Variants in TRIP12 observed in about 807,000 individuals in gnomAD.
The protein encoded by TRIP12 is E3 ubiquitin-protein ligase TRIP12.
TRIP12 carries 25 observed loss-of-function variants against 244.2 expected under a neutral mutation model. The observed-to-expected ratio is 0.10, with a 90% confidence interval of 0.07 to 0.14. TRIP12 has a LOEUF of 0.14. Among genes scored for constraint, TRIP12 ranks in the 10% least tolerant of loss-of-function variants. The pLI is 1.00. For synonymous variants in TRIP12, 905 were observed against 873.1 expected, an observed-to-expected ratio of 1.04 and a Z score of -0.64; for missense variants, 1,677 against 2,486.4, an observed-to-expected ratio of 0.67 and a Z score of 6.92.
intron 2 of TRIP12, among the ~76,000 whole-genome samples, chr2:229,878,817 C>T (rs1023030252): frequency 2.0e-5 from 3 of 151,796 alleles, no homozygotes; most frequent in Non-Finnish European, 4.4e-5. Context: ...CTCCTGACCT[C>T]GTGATCCGCC....
intron 3 of TRIP12, 38 bp downstream of exon 3, chr2:229,860,368 T>C: frequency 1.3e-6 from 2 of 1,579,194 alleles, no homozygotes; most frequent in Non-Finnish European, 1.7e-6. Flanking sequence ...ATGCAAATAA[T>C]TCTGCCTTGA....
intron 19 of TRIP12, 144 bp from the exon 20 acceptor site, chr2:229,803,833 T>A: frequency 1.2e-6 from 1 of 860,814 alleles, no homozygotes; most frequent in Non-Finnish European, 1.8e-6. Context: ...GCTCAAGTTT[T>A]ATATTTTATA....
chr2:229,814,725 A>T (rs559230511), intron 11 of TRIP12, among the ~76,000 whole-genome samples: 1 of 152,192 alleles, frequency 6.6e-6, no homozygotes, highest in Non-Finnish European at 1.5e-5. Context: ...CAGACCAAAA[A>T]CACAATTTAC....
intron 26 of TRIP12, 43 bp downstream of exon 26, chr2:229,795,120 TCAGTGAAATTAAGTAC>T: frequency 6.4e-7 from 1 of 1,566,436 alleles, no homozygotes; most frequent in South Asian, 1.2e-5. Flanking sequence ...CCATCTTACT[TCAGTGAAATTAAGTAC>T]CAAATTCCAG....
rs2154259373 is a variant in TRIP12, at chr2:229,791,364, C to A, written c.4416-113G>T. The A allele has an allele frequency of 5.0e-6, 6 of 1,188,374 alleles. No individual in the cohort carries two copies. The East Asian group carries it at 1.2e-4, about 24-fold the overall frequency. The allele number at this position is 1,188,374 out of a possible 1,614,324, so 73.6% of individuals were successfully genotyped here. A position where few individuals can be genotyped will look rare whatever the true frequency, so the allele number is the denominator to read the frequency against. ...AGAAGACTGTTCTGAGATCTATTCT[C>A]CTCTCTCTCCCTAGTGTGAATCTGG... On this transcript the variant is annotated intron_variant, in intron 29 of 41. Transcript: ENST00000675903.
intron 2 of TRIP12, among the ~76,000 whole-genome samples, chr2:229,862,102 G>C (rs2060570269): frequency 6.6e-6 from 1 of 152,090 alleles, no homozygotes. Flanking sequence ...TATCGCCCAG[G>C]CTGGAGTGCA....
At chr2:229,896,983 T>C (rs1041544995) in intron 1 of TRIP12, among the ~76,000 whole-genome samples, 1 of 152,188 alleles carries the variant, frequency 6.6e-6, no homozygotes, top group African/African-American at 2.4e-5. Context: ...GGTAATAACA[T>C]ATCAATGTAG....
At chr2:229,922,351 A>C, upstream of TRIP12, 1 of 652,026 alleles carries the variant, frequency 1.5e-6, no homozygotes, top group Non-Finnish European at 2.6e-6. Flanking sequence ...TTCACGGATC[A>C]GGGTTCCCTA....
intron 2 of TRIP12, among the ~76,000 whole-genome samples, chr2:229,863,511 C>G: frequency 6.6e-6 from 1 of 152,074 alleles, no homozygotes; most frequent in Non-Finnish European, 1.5e-5. Flanking sequence ...GGTGGCTATA[C>G]TTCAATCAAA....
At chr2:229,846,387 TTA>T (rs2057586438) in intron 4 of TRIP12, among the ~76,000 whole-genome samples, 1 of 152,140 alleles carries the variant, frequency 6.6e-6, no homozygotes, top group Non-Finnish European at 1.5e-5. Flanking sequence ...AGCAAAAAGA[TTA>T]TGACTTGCTA....
intron 7 of TRIP12, among the ~76,000 whole-genome samples, chr2:229,829,950 A>G (rs1407529840): frequency 5.3e-5 from 8 of 152,222 alleles, no homozygotes; most frequent in Non-Finnish European, 1.2e-4. Flanking sequence ...TTCGGTCTCA[A>G]AACAATCAAA....
chr2:229,845,532 G>C (rs34834962), intron 4 of TRIP12, among the ~76,000 whole-genome samples: 38,786 of 151,762 alleles, frequency 0.26, 6,060 homozygotes, highest in Middle Eastern at 0.42. Context: ...AGACTTTGAG[G>C]GGGAAAAAAA....
intron 1 of TRIP12, among the ~76,000 whole-genome samples, chr2:229,906,210 CAGG>C (rs780055264): frequency 1.1e-4 from 17 of 150,140 alleles, no homozygotes; most frequent in East Asian, 2.0e-4. Flanking sequence ...GAGGCTGAGG[CAGG>C]AGAACTGCTT....
chr2:229,843,406 T>C, intron 4 of TRIP12, among the ~76,000 whole-genome samples: 1 of 152,188 alleles, frequency 6.6e-6, no homozygotes, highest in Middle Eastern at 3.2e-3. Flanking sequence ...TGTTCTCCAA[T>C]ACAGACGTAT....
At chr2:229,807,594 T>C (rs1225983274) in intron 17 of TRIP12, 114 bp downstream of exon 17, 1 of 1,319,898 alleles carries the variant, frequency 7.6e-7, no homozygotes, top group African/African-American at 1.4e-5. Flanking sequence ...GAGAGAATCT[T>C]GAGTTAATTC....
In TRIP12 at chr2:229,843,239, G is replaced by C. The variant is rs528235382; in HGVS notation, c.1028-2312C>G. 3.2e-4 allele frequency among the ~76,000 whole-genome samples: 49 copies of C among 152,200 alleles called. 1 individual carries two copies. The highest frequency in any genetic ancestry group is 2.9e-3 in the Admixed American group (44 of 15,288). On this transcript the variant is annotated intron_variant, in intron 4 of 41. Coordinates refer to ENST00000675903, the MANE Select transcript of TRIP12 (RefSeq NM_001348323.3). ...TCTTACCCCAAAGGTTTTGTGTCATGAAGTTAGGTATAAATGTAGATGTAC... is the reference window on the plus strand; with the variant it reads ...TCTTACCCCAAAGGTTTTGTGTCATCAAGTTAGGTATAAATGTAGATGTAC...
intron 24 of TRIP12, among the ~76,000 whole-genome samples, chr2:229,797,216 A>C (rs1287951657): frequency 1.3e-5 from 2 of 152,126 alleles, no homozygotes; most frequent in Admixed American, 1.3e-4. Flanking sequence ...CTCAAGGTAC[A>C]TCAAAAACAT....
intron 4 of TRIP12, among the ~76,000 whole-genome samples, chr2:229,847,915 A>T (rs2057909016): frequency 6.6e-6 from 1 of 152,188 alleles, no homozygotes; most frequent in South Asian, 2.1e-4. Context: ...ACTACACCAA[A>T]AATAAGAGGG....
At chr2:229,890,324 C>T (rs1277170935) in intron 1 of TRIP12, among the ~76,000 whole-genome samples, 1 of 152,014 alleles carries the variant, frequency 6.6e-6, no homozygotes, top group Non-Finnish European at 1.5e-5. Flanking sequence ...AGGTGATCCG[C>T]CTGCCTCGGC....
Sources: gnomAD v4.1 joint callset for allele counts (sites outside exome capture counted in the v4.1 genomes callset) on GRCh38, gnomAD v4.1.1 for gene constraint, MANE v1.5 for transcripts, NCBI Gene and HGNC (gene_info 2026-07-23, HGNC 2026-07-21) for gene names.